The following USP37 variants were observed in gnomAD, a reference collection of about 807,000 sequenced individuals.
The protein encoded by USP37 is ubiquitin carboxyl-terminal hydrolase 37.
Under a neutral mutation model 124.0 loss-of-function variants are expected in USP37, and 27 were observed. The observed-to-expected ratio is 0.22, with a 90% CI of 0.16 to 0.30. The LOEUF (loss-of-function observed/expected upper bound fraction) is 0.30, where lower values mean the gene tolerates loss of function less well. USP37 is among the 10% of genes least tolerant of loss of function. USP37 has a pLI of 1.00. For missense variants in USP37, 889 were observed against 1,140.4 expected (o/e 0.78, Z 3.17); for synonymous variants, 365 against 388.0 (o/e 0.94, Z 0.70).
At chr2:218,560,999 G>C (rs1693278025) in intron 2 of USP37, 116 bp from the exon 3 acceptor site, 1 of 151,906 alleles carries the variant, frequency 6.6e-6, no homozygotes, top group South Asian at 2.1e-4. Context: ...GCTTACTATG[G>C]GCAGATTTAG....
At chr2:218,499,278 A>T (rs1689236733) in intron 11 of USP37, among the ~76,000 whole-genome samples, 1 of 119,042 alleles carries the variant, frequency 8.4e-6, no homozygotes, top group Admixed American at 9.0e-5. Flanking sequence ...TGTTTTTTAA[A>T]AAAACAAAAA....
intron 20 of USP37, among the ~76,000 whole-genome samples, chr2:218,467,359 T>TATC (rs60648603): frequency 0.044 from 4,931 of 112,856 alleles, 253 homozygotes; most frequent in African/African-American, 0.14. Context: ...ATCTATCTAT[T>TATC]TTTTTTTGAG....
At chr2:218,489,246 T>G (rs917575243) in intron 14 of USP37, among the ~76,000 whole-genome samples, 2 of 150,084 alleles carry the variant, frequency 1.3e-5, no homozygotes, top group Admixed American at 1.3e-4. Context: ...TAATCCCAGC[T>G]ACTTGGGAGG....
rs141090961 is a variant in USP37, at chr2:218,554,056, C to T, written c.157-332G>A. ...TTCTTGGTACTAAATGGCAAACAAC[C>T]ATGAAAACTTTTTATTTTATAAGAA... On this transcript the variant is annotated intron_variant, in intron 4 of 25. Transcript: ENST00000258399. 2.2e-3 allele frequency among the ~76,000 whole-genome samples: 334 copies of T among 152,190 alleles called. 1 individual carries two copies. The highest frequency in any genetic ancestry group is 7.7e-3 in the African/African-American group (319 of 41,542).
intron 8 of USP37, among the ~76,000 whole-genome samples, chr2:218,545,183 G>C (rs978742347): frequency 6.6e-6 from 1 of 152,176 alleles, no homozygotes; most frequent in Non-Finnish European, 1.5e-5. Context: ...ACCACTGTAC[G>C]CTTTTGCCAC....
intron 5 of USP37, among the ~76,000 whole-genome samples, chr2:218,553,240 C>T (rs532491409): frequency 7.2e-4 from 110 of 152,280 alleles, no homozygotes; most frequent in African/African-American, 1.8e-3. Flanking sequence ...ACCTTTATTA[C>T]GCTGAGTCGT....
At chr2:218,480,316 C>T (rs1397525805) in intron 17 of USP37, among the ~76,000 whole-genome samples, 1 of 140,842 alleles carries the variant, frequency 7.1e-6, no homozygotes, top group African/African-American at 2.6e-5. Flanking sequence ...AGGAGAATGG[C>T]GTGAAGCCGG....
chr2:218,527,930 C>T (rs976508878), intron 10 of USP37, among the ~76,000 whole-genome samples: 13 of 152,244 alleles, frequency 8.5e-5, no homozygotes, highest in African/African-American at 1.9e-4. Flanking sequence ...GGGCTGGGCG[C>T]GGTCACTCAC....
At chr2:218,484,101 G>A (rs192155483) in intron 16 of USP37, among the ~76,000 whole-genome samples, 137 of 152,006 alleles carry the variant, frequency 9.0e-4, no homozygotes, top group African/African-American at 3.2e-3. Context: ...GGGGGTTGCA[G>A]TGAGCCGAGA....
At chr2:218,463,692 C>T (rs1471082803) in intron 21 of USP37, among the ~76,000 whole-genome samples, 2 of 151,348 alleles carry the variant, frequency 1.3e-5, no homozygotes, top group Non-Finnish European at 2.9e-5. Flanking sequence ...CCCGCCACCA[C>T]GTCTAGCTAA....
Position 218,474,628 on chromosome 2 carries a change from ACC to A in USP37, c.2299_2299+1del. On this transcript the variant is annotated splice_donor_variant and coding_sequence_variant, in exon 20 of 26. Coordinates refer to ENST00000258399, the MANE Select transcript of USP37 (RefSeq NM_020935.3). LOFTEE classifies it high-confidence loss of function. The stretch of plus-strand genomic sequence containing the variant: ...CAGAGGTTTAATCTTCATTAAACCT[ACC>A]CAGCTCTGTGATTGTTTTGGGCTTC... 6.2e-7 allele frequency: 1 copy of A among 1,614,060 alleles called. No homozygotes were observed. The highest frequency in any genetic ancestry group is 8.5e-7 in the Non-Finnish European group (1 of 1,179,998).
chr2:218,547,583 CAAAAAAAAAA>C (rs58787835), intron 6 of USP37, among the ~76,000 whole-genome samples: 3 of 71,612 alleles, frequency 4.2e-5, no homozygotes, highest in African/African-American at 1.3e-4. Flanking sequence ...AATTACTAAC[CAAAAAAAAAA>C]AAAAAAAAAA....
intron 20 of USP37, among the ~76,000 whole-genome samples, chr2:218,470,230 C>T (rs1690599549): frequency 6.6e-6 from 1 of 152,158 alleles, no homozygotes; most frequent in South Asian, 2.1e-4. Flanking sequence ...TAATTTTCCA[C>T]AGTTTCTTTT....
At chr2:218,490,649 G>A (rs1179796543) in intron 14 of USP37, among the ~76,000 whole-genome samples, 1 of 152,112 alleles carries the variant, frequency 6.6e-6, no homozygotes, top group Non-Finnish European at 1.5e-5. Flanking sequence ...TTTACTGAGT[G>A]CCTCTCTAAC....
At chr2:218,499,810 C>T (rs1470005918) in intron 11 of USP37, among the ~76,000 whole-genome samples, 2 of 152,188 alleles carry the variant, frequency 1.3e-5, no homozygotes, top group Non-Finnish European at 2.9e-5. Flanking sequence ...GAGACAGGGT[C>T]TTGCTCTGTT....
At chr2:218,499,637 C>T (rs1395985769) in intron 11 of USP37, among the ~76,000 whole-genome samples, 2 of 152,036 alleles carry the variant, frequency 1.3e-5, no homozygotes, top group Non-Finnish European at 2.9e-5. Context: ...GCTTTTCTTC[C>T]CTCACTTAGG....
chr2:218,562,511 T>C (rs1336017309), intron 2 of USP37, among the ~76,000 whole-genome samples, 162 bp downstream of exon 2: 2 of 152,226 alleles, frequency 1.3e-5, no homozygotes, highest in Non-Finnish European at 2.9e-5. Context: ...GCTCACATTT[T>C]AGGTACTGCT....
At chr2:218,466,677 A>C (rs1170910402) in intron 20 of USP37, among the ~76,000 whole-genome samples, 1 of 152,194 alleles carries the variant, frequency 6.6e-6, no homozygotes, top group Admixed American at 6.6e-5. Context: ...ATATTTTTAG[A>C]GCAAATGAAG....
chr2:218,486,285 T>C (rs1208228110), intron 15 of USP37: 3 of 152,120 alleles, frequency 2.0e-5, no homozygotes, highest in Non-Finnish European at 4.4e-5. Context: ...CCTTAAAAAA[T>C]GGGGGTAAAA....
Sources: gnomAD v4.1 joint callset for allele counts (sites outside exome capture counted in the v4.1 genomes callset) on GRCh38, gnomAD v4.1.1 for gene constraint, MANE v1.5 for transcripts, NCBI Gene and HGNC (gene_info 2026-07-23, HGNC 2026-07-21) for gene names.